LOXL2: variants seen among roughly 807,000 people sequenced by gnomAD.
LOXL2 encodes lysyl oxidase homolog 2.
Under a neutral mutation model 93.0 loss-of-function variants are expected in LOXL2, and 70 were observed. The ratio of observed to expected loss-of-function variants is 0.75; its 90% CI spans 0.62 to 0.92. LOXL2 has a LOEUF of 0.92. Among genes scored for constraint, LOXL2 ranks in the 40% least tolerant of loss-of-function variants. The pLI is 0.00. For missense variants in LOXL2, 973 were observed against 1,054.9 expected (o/e 0.92, Z 1.08); for synonymous variants, 438 against 413.2 (o/e 1.06, Z -0.73).
chr8:23,371,977 A>T (rs1051968892), intron 1 of LOXL2, among the ~76,000 whole-genome samples: 6 of 152,020 alleles, frequency 3.9e-5, no homozygotes. Context: ...TACAACTAAC[A>T]GGTTAATAAG....
chr8:23,314,359 T>C (rs13263763), intron 9 of LOXL2, among the ~76,000 whole-genome samples: 88,557 of 134,210 alleles, frequency 0.66, 30,141 homozygotes, highest in South Asian at 0.81. Flanking sequence ...TTTATTGCGG[T>C]ACTATTCACG....
At chr8:23,383,821 C>A (rs373665523) in intron 1 of LOXL2, among the ~76,000 whole-genome samples, 1 of 151,664 alleles carries the variant, frequency 6.6e-6, no homozygotes, top group Admixed American at 6.6e-5. Flanking sequence ...CCACCACGCC[C>A]GGCTAATTTT....
In LOXL2 at chr8:23,302,143, ACT is replaced by A. The variant is rs1231362339; in HGVS notation, c.2015_2016del (p.Glu672ValfsTer20). 1.9e-6 allele frequency: 3 copies of A among 1,613,928 alleles called. No individual in the cohort carries two copies. Among genetic ancestry groups the A allele is most frequent in the Admixed American group, 3.3e-5 (2 of 59,994 alleles). On this transcript the variant is annotated frameshift_variant, in exon 12 of 14. Transcript: ENST00000389131. LOFTEE classifies it high-confidence loss of function. ...ECEGDIQKNY[E>X]CANFGDQGIT... ...ATGCCCTGATCGCCGAAGTTGGCACACTCGTAATTCTTCTGGATGTCTGCGGG... is the reference window on the plus strand; with the variant it reads ...ATGCCCTGATCGCCGAAGTTGGCACACGTAATTCTTCTGGATGTCTGCGGG...
chr8:23,306,700 C>T (rs912333455), intron 10 of LOXL2, among the ~76,000 whole-genome samples: 1 of 152,266 alleles, frequency 6.6e-6, no homozygotes, highest in Non-Finnish European at 1.5e-5. Flanking sequence ...CTGGAGCCCA[C>T]ACGCCCTGCT....
intron 4 of LOXL2, among the ~76,000 whole-genome samples, chr8:23,340,697 C>T (rs529672279): frequency 2.2e-4 from 34 of 152,308 alleles, no homozygotes; most frequent in Admixed American, 2.2e-3. Flanking sequence ...CTGGGGTTCT[C>T]TGGGCTGGGG....
chr8:23,350,512 G>A (rs1383089392), intron 3 of LOXL2, among the ~76,000 whole-genome samples: 2 of 152,218 alleles, frequency 1.3e-5, no homozygotes, highest in East Asian at 1.9e-4. Flanking sequence ...GGAGGTTGCA[G>A]TGAGCTGAGG....
intron 1 of LOXL2, among the ~76,000 whole-genome samples, chr8:23,369,656 G>A (rs1244889042): frequency 6.6e-6 from 1 of 152,136 alleles, no homozygotes; most frequent in Non-Finnish European, 1.5e-5. Context: ...TGCTGGGGTG[G>A]AGATGTTAGA....
rs1300155887 is a variant in LOXL2 at position 23,298,911 on chromosome 8, C to T, written c.2170G>A (p.Asp724Asn). 15 of 1,613,648 alleles carry T rather than the reference C, an allele frequency of 9.3e-6. No homozygotes were observed. Among genetic ancestry groups the T allele is most frequent in the African/African-American group, 4.0e-5 (3 of 74,910 alleles). ...CATTTCATGATGTTGTTGGAGTAAT[C>T]GGATTCTGCAACCTCGAAGTTGGGG... The part of the protein sequence containing the change: ...INPNFEVAES[D>N]YSNNIMKCRS... The change falls in exon 13 of 14, where the codon GAT (aspartate) becomes AAT (asparagine). Residue 724 changes from aspartate to asparagine, a missense_variant. Asp to Asn is a conservative substitution (Grantham distance 23, BLOSUM62 1). Coordinates refer to ENST00000389131, the MANE Select transcript of LOXL2 (RefSeq NM_002318.3).
chr8:23,323,056 A>C (rs1056074236), intron 6 of LOXL2, among the ~76,000 whole-genome samples: 1 of 152,260 alleles, frequency 6.6e-6, no homozygotes, highest in African/African-American at 2.4e-5. Flanking sequence ...ACTGAGGCCA[A>C]AAACCAACTT....
chr8:23,306,493 C>T (rs1332767671), intron 10 of LOXL2, among the ~76,000 whole-genome samples: 1 of 152,242 alleles, frequency 6.6e-6, no homozygotes, highest in African/African-American at 2.4e-5. Flanking sequence ...TCCCCCTGTG[C>T]CAGGCAGCCC....
At chr8:23,367,913 C>G in intron 2 of LOXL2, 84 bp downstream of exon 2, 1 of 1,113,120 alleles carries the variant, frequency 9.0e-7, no homozygotes, top group Non-Finnish European at 1.3e-6. Flanking sequence ...TGCGTGCAGC[C>G]TCCTCTCCCA....
chr8:23,316,013 A>G (rs1803396297), intron 9 of LOXL2, among the ~76,000 whole-genome samples: 1 of 152,160 alleles, frequency 6.6e-6, no homozygotes, highest in Admixed American at 6.5e-5. Flanking sequence ...TCCTCTCACA[A>G]GGATGTGATA....
chr8:23,349,075 C>T (rs1306391817), intron 3 of LOXL2, among the ~76,000 whole-genome samples: 1 of 152,150 alleles, frequency 6.6e-6, no homozygotes, highest in African/African-American at 2.4e-5. Context: ...GACCCTCTCT[C>T]TTCTTCACTC....
intron 4 of LOXL2, chr8:23,337,207 G>A (rs1442955748): frequency 6.6e-6 from 1 of 152,304 alleles, no homozygotes; most frequent in Non-Finnish European, 1.5e-5. Flanking sequence ...GTCCAATAGG[G>A]TCAGCACGTC....
intron 8 of LOXL2, 57 bp from the exon 9 acceptor site, chr8:23,317,171 A>C (rs1803416733): frequency 5.8e-5 from 90 of 1,553,740 alleles, no homozygotes; most frequent in Non-Finnish European, 7.5e-5. Flanking sequence ...TCACTTTCTC[A>C]TATCCTATCA....
intron 12 of LOXL2, among the ~76,000 whole-genome samples, chr8:23,301,317 G>A (rs2117137669): frequency 6.6e-6 from 1 of 152,320 alleles, no homozygotes; most frequent in Admixed American, 6.5e-5. Flanking sequence ...TTCTCCCCCA[G>A]TTAGAGCCCT....
rs138582344 is a variant in LOXL2 at position 23,302,587 on chromosome 8, C to T, written c.1997-424G>A. On this transcript the variant is annotated intron_variant, in intron 11 of 13. Transcript: ENST00000389131. ...CTCTCTGACACTTACATGTTATCTG[C>T]ACATGGTAAGAGGTCAACACCTGTC... 2.0e-5 allele frequency among the ~76,000 whole-genome samples: 3 copies of T among 152,350 alleles called. No homozygotes were observed. In the East Asian group the frequency reaches 5.8e-4, roughly 29 times the overall value.
chr8:23,323,805 G>C (rs1418498256), intron 6 of LOXL2, among the ~76,000 whole-genome samples: 1 of 152,142 alleles, frequency 6.6e-6, no homozygotes, highest in Non-Finnish European at 1.5e-5. Context: ...AGGTTCAAGC[G>C]ATTCTTCTGC....
intron 3 of LOXL2, among the ~76,000 whole-genome samples, chr8:23,354,588 C>CTGTG (rs35274565): frequency 7.3e-5 from 11 of 150,910 alleles, no homozygotes; most frequent in African/African-American, 2.4e-4. Context: ...CATCCCTTCT[C>CTGTG]TGTGTGTGTG....
Sources: allele counts gnomAD v4.1 joint callset (sites outside exome capture counted in the v4.1 genomes callset), GRCh38; gene constraint gnomAD v4.1.1; transcripts MANE v1.5; gene names NCBI Gene and HGNC (gene_info 2026-07-23, HGNC 2026-07-21).